NKD1: variants seen among roughly 807,000 people sequenced by gnomAD.
NKD1 encodes NKD inhibitor of Wnt signaling pathway 1, also known as protein naked cuticle homolog 1.
Under a neutral mutation model 56.0 loss-of-function variants are expected in NKD1, and 21 were observed. That is an observed-to-expected ratio of 0.38 (90% CI 0.27 to 0.54). The LOEUF (loss-of-function observed/expected upper bound fraction) is 0.54, where lower values mean the gene tolerates loss of function less well. Among genes scored for constraint, NKD1 ranks in the 20% least tolerant of loss-of-function variants. The probability of loss-of-function intolerance (pLI) is 0.82; values close to 1 mark genes in which losing one functional copy is unlikely to be tolerated. For missense variants in NKD1, 578 were observed against 642.7 expected (o/e 0.90, Z 1.09); for synonymous variants, 263 against 265.7 (o/e 0.99, Z 0.10).
chr16:50,553,027 C>T (rs1024970859), intron 3 of NKD1, among the ~76,000 whole-genome samples: 35 of 152,260 alleles, frequency 2.3e-4, no homozygotes, highest in African/African-American at 2.2e-4. Context: ...TCAGCACACG[C>T]GGCAAAGAAC....
At chr16:50,625,641 C>T (rs1269869622) in intron 6 of NKD1, 61 bp downstream of exon 6, 1 of 1,040,718 alleles carries the variant, frequency 9.6e-7, no homozygotes, top group South Asian at 1.3e-5. Context: ...GGCCTGGGCA[C>T]AGCACCCTGC....
intron 3 of NKD1, among the ~76,000 whole-genome samples, chr16:50,603,443 C>T (rs1378352947): frequency 3.3e-5 from 5 of 152,186 alleles, no homozygotes; most frequent in East Asian, 3.9e-4. Context: ...GTAGGCTGCT[C>T]GGATCTAAGG....
At chr16:50,618,405 G>A (rs117682079) in intron 4 of NKD1, among the ~76,000 whole-genome samples, 534 of 152,306 alleles carry the variant, frequency 3.5e-3, no homozygotes, top group Non-Finnish European at 6.5e-3. Flanking sequence ...GGCCTGCAGC[G>A]AGCACCAGTC....
At chr16:50,613,137 A>G (rs1402635447) in intron 4 of NKD1, among the ~76,000 whole-genome samples, 1 of 151,868 alleles carries the variant, frequency 6.6e-6, no homozygotes, top group Non-Finnish European at 1.5e-5. Flanking sequence ...TCTGAGGTGG[A>G]GGTTTTGGCG....
rs1227348519 is a variant in NKD1 at position 50,548,397 on chromosome 16, G to C, written c.-157G>C. On this transcript the variant is annotated 5_prime_UTR_variant, in exon 1 of 10. Transcript: ENST00000268459. ...GGGGGCTCGGCGCTCCCGGGCGTCA[G>C]TCGGGCCGCGGCGACGGCGGCAGGA... 1 of 308,760 alleles carries C rather than the reference G, an allele frequency of 3.2e-6. No homozygotes were observed. Among genetic ancestry groups the C allele is most frequent in the African/African-American group, 2.3e-5 (1 of 44,308 alleles). The allele number at this position is 308,760 out of a possible 1,614,324, so 19.1% of individuals were successfully genotyped here.
intron 3 of NKD1, among the ~76,000 whole-genome samples, chr16:50,578,709 CAG>C (rs1001792897): frequency 9.2e-5 from 14 of 152,254 alleles, no homozygotes; most frequent in Non-Finnish European, 1.6e-4. Flanking sequence ...TATGATTCTG[CAG>C]GTGATCAGGA....
rs1038183299 is a variant in NKD1 at position 50,646,730 on chromosome 16, C to G, written c.*12949C>G. 6.6e-6 allele frequency: 1 copy of G among 152,290 alleles called. No individual in the cohort carries two copies. Among genetic ancestry groups the G allele is most frequent in the Non-Finnish European group, 1.5e-5 (1 of 68,114 alleles). The allele number at this position is 152,290 out of a possible 1,614,324, so 9.4% of individuals were successfully genotyped here. A position where few individuals can be genotyped will look rare whatever the true frequency, so the allele number is the denominator to read the frequency against. ...AGCCCAGAACAACACCCTGGAACAC[C>G]CAAGGGGGCTCCAAGGCAGGATGGG... On this transcript the variant is annotated 3_prime_UTR_variant, in exon 10 of 10. Transcript: ENST00000268459.
intron 3 of NKD1, among the ~76,000 whole-genome samples, chr16:50,560,870 G>A (rs965351552): frequency 5.1e-5 from 2 of 39,194 alleles, no homozygotes; most frequent in Non-Finnish European, 1.2e-4. Context: ...ATCTACAGCA[G>A]AGGCATATTG....
chr16:50,549,126 C>G (rs1774668782), intron 2 of NKD1: 1 of 157,346 alleles, frequency 6.4e-6, no homozygotes, highest in African/African-American at 2.4e-5. Flanking sequence ...TCCTGACCCC[C>G]AGCCCTCTCC....
At chr16:50,622,736 CT>C (rs2151279123) in intron 5 of NKD1, among the ~76,000 whole-genome samples, 1 of 151,588 alleles carries the variant, frequency 6.6e-6, no homozygotes, top group African/African-American at 2.4e-5. Flanking sequence ...GGGTGCCCCT[CT>C]TTCTCACCAA....
chr16:50,567,582 T>C lies in NKD1; in HGVS notation c.192+18027T>C, dbSNP rs116459678. 8.8e-3 allele frequency among the ~76,000 whole-genome samples: 1,338 copies of C among 152,260 alleles called. 23 individuals are homozygous for C. Among genetic ancestry groups the C allele is most frequent in the African/African-American group, 0.031 (1,289 of 41,530 alleles). On this transcript the variant is annotated intron_variant, in intron 3 of 9. Transcript: ENST00000268459. Reference sequence around the variant, plus strand: ...TGATCTCGGGACACCCCTCACTTATTTTATAAGCTGTACCTCCTCCTTGGC... The same window carrying C: ...TGATCTCGGGACACCCCTCACTTATCTTATAAGCTGTACCTCCTCCTTGGC...
chr16:50,611,280 T>C (rs984274628), intron 4 of NKD1, among the ~76,000 whole-genome samples: 1 of 152,022 alleles, frequency 6.6e-6, no homozygotes, highest in African/African-American at 2.4e-5. Flanking sequence ...GTGTCTCATC[T>C]CTGGGCCTTT....
intron 4 of NKD1, among the ~76,000 whole-genome samples, chr16:50,611,767 C>T (rs1422472485): frequency 6.6e-6 from 1 of 152,222 alleles, no homozygotes; most frequent in Non-Finnish European, 1.5e-5. Context: ...CACTGTGTGA[C>T]CTTGGGTGAG....
chr16:50,571,291 T>C (rs953872618), intron 3 of NKD1, among the ~76,000 whole-genome samples: 2 of 152,142 alleles, frequency 1.3e-5, no homozygotes, highest in Non-Finnish European at 2.9e-5. Flanking sequence ...CTCTGCCTCC[T>C]GTGGGGAGAT....
chr16:50,596,766 A>G (rs866248655), intron 3 of NKD1, among the ~76,000 whole-genome samples: 1 of 152,142 alleles, frequency 6.6e-6, no homozygotes, highest in Non-Finnish European at 1.5e-5. Context: ...ATTGTGGGAG[A>G]GGGGGCTGCA....
chr16:50,559,846 A>G (rs1960585081), intron 3 of NKD1, among the ~76,000 whole-genome samples: 1 of 152,188 alleles, frequency 6.6e-6, no homozygotes, highest in East Asian at 1.9e-4. Flanking sequence ...GAGGCAGAGC[A>G]TAAAAGGACC....
chr16:50,586,553 G>A (rs1186655050), intron 3 of NKD1, among the ~76,000 whole-genome samples: 1 of 152,184 alleles, frequency 6.6e-6, no homozygotes, highest in East Asian at 1.9e-4. Flanking sequence ...CGACTTTTGA[G>A]ACCACAGAGG....
intron 6 of NKD1, among the ~76,000 whole-genome samples, chr16:50,626,360 A>AT (rs1962214211): frequency 6.6e-6 from 1 of 152,180 alleles, no homozygotes; most frequent in Non-Finnish European, 1.5e-5. Context: ...GATAACTGTG[A>AT]GCGGTGATGT....
At chr16:50,582,100 C>T (rs1331759869) in intron 3 of NKD1, among the ~76,000 whole-genome samples, 1 of 152,164 alleles carries the variant, frequency 6.6e-6, no homozygotes, top group Non-Finnish European at 1.5e-5. Context: ...CCTTGATCTG[C>T]TGAGCTCTCT....
Sources: gnomAD v4.1 joint callset for allele counts (sites outside exome capture counted in the v4.1 genomes callset) on GRCh38, gnomAD v4.1.1 for gene constraint, MANE v1.5 for transcripts, NCBI Gene and HGNC (gene_info 2026-07-23, HGNC 2026-07-21) for gene names.